IQSEC2: variants seen among roughly 807,000 people sequenced by gnomAD.
IQSEC2 encodes the protein IQ motif and Sec7 domain ArfGEF 2.
IQSEC2 carries 6 observed loss-of-function variants against 74.6 expected under a neutral mutation model. That is an observed-to-expected ratio of 0.08 (90% CI 0.04 to 0.16). The LOEUF is 0.16. Among genes scored for constraint, IQSEC2 ranks in the 10% least tolerant of loss-of-function variants. The pLI, the probability that IQSEC2 is intolerant of heterozygous loss-of-function variation, is 1.00. For synonymous variants in IQSEC2, 494 were observed against 544.5 expected (o/e 0.91, Z 1.29); for missense variants, 734 against 1,306.2 (o/e 0.56, Z 6.75).
intron 8 of IQSEC2, among the ~76,000 whole-genome samples, chrX:53,245,726 C>G (rs1322850083): frequency 9.0e-6 from 1 of 110,944 alleles, no homozygotes; most frequent in African/African-American, 3.3e-5. Context: ...GGCTCGACAT[C>G]AGTAGAATAA....
At chrX:53,287,336 C>G (rs190317039) in intron 2 of IQSEC2, among the ~76,000 whole-genome samples, 86 of 112,301 alleles carry the variant, frequency 7.7e-4, no homozygotes, top group African/African-American at 2.7e-3. Flanking sequence ...ATGCAATTGT[C>G]CAGCGTTTGT....
chrX:53,240,228 C>T (rs2074197350), intron 10 of IQSEC2, among the ~76,000 whole-genome samples: 1 of 112,278 alleles, frequency 8.9e-6, no homozygotes, highest in Non-Finnish European at 1.9e-5. Flanking sequence ...AGCAGCAATG[C>T]TCAACTGGGG....
chrX:53,298,153 C>G (rs916884945), intron 1 of IQSEC2, among the ~76,000 whole-genome samples: 1 of 111,625 alleles, frequency 9.0e-6, no homozygotes, highest in Non-Finnish European at 1.9e-5. Flanking sequence ...AAGAACCTCT[C>G]TCTTTTCCAT....
At chrX:53,274,286 GGAA>G (rs1312057306) in intron 2 of IQSEC2, among the ~76,000 whole-genome samples, 1 of 110,010 alleles carries the variant, frequency 9.1e-6, no homozygotes, top group Non-Finnish European at 1.9e-5. Flanking sequence ...TTCTCAGCAT[GGAA>G]GAATACAGAC....
At chrX:53,264,274 G>A (rs2074618013) in intron 2 of IQSEC2, among the ~76,000 whole-genome samples, 1 of 111,846 alleles carries the variant, frequency 8.9e-6, no homozygotes, top group South Asian at 3.7e-4. Context: ...ACATGTGTGA[G>A]GATGGCCGGC....
rs374877362 is a variant in IQSEC2 at position 53,281,215 on chromosome X, C to T, written c.737+10680G>A. On this transcript the variant is annotated intron_variant, in intron 2 of 14. Coordinates refer to ENST00000642864, the MANE Select transcript of IQSEC2 (RefSeq NM_001111125.3). ...ACGAGCCTGGAGCCCTGCAGTGCCT[C>T]GCACACAAGGCTAGTAGAGCAGGGT... is the stretch of plus-strand genomic sequence containing the variant. 4.4e-5 allele frequency among the ~76,000 whole-genome samples: 5 copies of T among 112,630 alleles called. No homozygotes were observed. The East Asian group carries it at 1.4e-3, about 32-fold the overall frequency.
intron 10 of IQSEC2, 112 bp downstream of exon 10, chrX:53,241,672 A>G: frequency 9.4e-7 from 1 of 1,062,545 alleles, no homozygotes; most frequent in Non-Finnish European, 1.3e-6. Flanking sequence ...ATGGCAGAAC[A>G]CCTCGCCCGC....
intron 2 of IQSEC2, among the ~76,000 whole-genome samples, chrX:53,278,056 G>T (rs2074870892): frequency 1.2e-5 from 1 of 84,300 alleles, no homozygotes; most frequent in South Asian, 7.2e-4. Flanking sequence ...TGTCGCCCAG[G>T]CTGGAGTGCA....
chrX:53,310,948 CTG>C (rs2075314765), intron 1 of IQSEC2, among the ~76,000 whole-genome samples: 1 of 105,904 alleles, frequency 9.4e-6, no homozygotes, highest in Admixed American at 1.0e-4. Flanking sequence ...TGGAGAAACC[CTG>C]TCTCTACTAA....
intron 1 of IQSEC2, among the ~76,000 whole-genome samples, chrX:53,292,546 C>T (rs915231990): frequency 1.8e-5 from 2 of 112,015 alleles, no homozygotes; most frequent in Non-Finnish European, 3.8e-5. Context: ...ATGAAGAGAA[C>T]GAGGCTGAGG....
intron 2 of IQSEC2, among the ~76,000 whole-genome samples, chrX:53,274,508 C>T (rs782466787): frequency 8.9e-5 from 7 of 78,459 alleles, no homozygotes; most frequent in African/African-American, 3.6e-4. Context: ...GTTGCCCAGG[C>T]TGGAGTGCAG....
intron 1 of IQSEC2, among the ~76,000 whole-genome samples, chrX:53,316,741 C>G (rs2075377697): frequency 9.2e-6 from 1 of 109,157 alleles, no homozygotes; most frequent in African/African-American, 3.3e-5. Context: ...GCCTCAAACT[C>G]CTGAACTCAC....
At chrX:53,240,861 G>A (rs1332757426) in intron 10 of IQSEC2, among the ~76,000 whole-genome samples, 1 of 105,293 alleles carries the variant, frequency 9.5e-6, no homozygotes, top group Non-Finnish European at 1.9e-5. Flanking sequence ...TGCAACCTCC[G>A]CCTCCTGGGT....
At chrX:53,246,915 C>A in intron 8 of IQSEC2, 54 bp downstream of exon 8, 1 of 1,090,371 alleles carries the variant, frequency 9.2e-7, no homozygotes, top group Non-Finnish European at 1.3e-6. Context: ...CTTCCCCTTA[C>A]CCCCCACTTT....
At chrX:53,248,653 C>G (rs1431293231) in intron 6 of IQSEC2, 68 bp downstream of exon 6, 10 of 1,117,178 alleles carry the variant, frequency 9.0e-6, no homozygotes, top group Non-Finnish European at 1.2e-5. Context: ...CAGGCTGCCC[C>G]CTTCCTCCCT....
chrX:53,234,354 G>A lies in IQSEC2; in HGVS notation c.4332C>T (p.Ser1444=), dbSNP rs1556858979. The change falls in exon 15 of 15, where the codon TCC becomes TCT. Residue 1444 remains serine, a synonymous_variant. Transcript: ENST00000642864. ...GAAGGGGTGAGTGCGGGGTGTGAGG[G>A]GAGGGTGGGGGGAGGGGTGGATAGG... ...HPSYPPLPPP[S]PHTPHSPLPP... 3 of 264,226 alleles carry A rather than the reference G, an allele frequency of 1.1e-5. No individual in the cohort carries two copies. Among genetic ancestry groups the A allele is most frequent in the Non-Finnish European group, 1.7e-5 (3 of 181,803 alleles). 21.8% of individuals were successfully genotyped at this position (264,226 alleles called of 1,213,427 possible).
At chrX:53,242,232 G>A (rs1048690841) in intron 9 of IQSEC2, among the ~76,000 whole-genome samples, 1 of 109,315 alleles carries the variant, frequency 9.1e-6, no homozygotes, top group Non-Finnish European at 1.9e-5. Context: ...TCAGGAGTTC[G>A]AGATCAGCCT....
intron 3 of IQSEC2, 29 bp from the exon 4 acceptor site, chrX:53,254,960 G>T (rs782523759): frequency 1.7e-6 from 2 of 1,195,159 alleles, no homozygotes; most frequent in Admixed American, 4.4e-5. Context: ...GGGGAACAAG[G>T]TCAGAAAGTC....
chrX:53,234,367 A>C lies in IQSEC2; in HGVS notation c.4319T>G (p.Leu1440Arg). ...PIPPHPSYPP[L>R]PPPSPHTPHS... ...CGGGGTGTGAGGGGAGGGTGGGGGGAGGGGTGGATAGGAGGGGTGGGGTGG... is the reference window on the plus strand; with the variant it reads ...CGGGGTGTGAGGGGAGGGTGGGGGGCGGGGTGGATAGGAGGGGTGGGGTGG... Residue 1440 changes from leucine to arginine, a missense_variant, in exon 15 of 15, where the codon CTC (leucine) becomes CGC (arginine). By Grantham distance (102) the Leu-to-Arg change is moderately radical. Transcript: ENST00000642864. 3 of 101,566 alleles carry C rather than the reference A, an allele frequency of 3.0e-5. No homozygotes were observed. The highest frequency in any genetic ancestry group is 4.0e-5 in the Non-Finnish European group (3 of 74,703). The allele number at this position is 101,566 out of a possible 1,213,427, so 8.4% of individuals were successfully genotyped here.
Sources: allele counts gnomAD v4.1 joint callset (sites outside exome capture counted in the v4.1 genomes callset), GRCh38; gene constraint gnomAD v4.1.1; transcripts MANE v1.5; gene names NCBI Gene and HGNC (gene_info 2026-07-23, HGNC 2026-07-21).